CNGA3: variants seen among roughly 807,000 people sequenced by gnomAD.
CNGA3 encodes the protein cyclic nucleotide-gated channel alpha-3.
In CNGA3, 42 loss-of-function variants were observed where a neutral mutation model predicts 46.6. The ratio of observed to expected loss-of-function variants is 0.90; its 90% CI spans 0.70 to 1.17. The LOEUF (loss-of-function observed/expected upper bound fraction) is 1.17, where lower values mean the gene tolerates loss of function less well. Among genes scored for constraint, CNGA3 ranks in the 50% most tolerant of loss-of-function variants. CNGA3 has a pLI of 0.00. For missense variants in CNGA3, 893 were observed against 890.7 expected, an observed-to-expected ratio of 1.00 and a Z score of -0.03; for synonymous variants, 394 against 369.4, an observed-to-expected ratio of 1.07 and a Z score of -0.76.
chr2:98,364,379 A>AAAATAAAT (rs58612453), intron 1 of CNGA3, among the ~76,000 whole-genome samples: 249 of 151,440 alleles, frequency 1.6e-3, no homozygotes, highest in African/African-American at 4.9e-3. Flanking sequence ...CTCCATCTCA[A>AAAATAAAT]AAATAAATAA....
At chr2:98,358,196 C>G (rs1342570447) in intron 1 of CNGA3, among the ~76,000 whole-genome samples, 1 of 152,190 alleles carries the variant, frequency 6.6e-6, no homozygotes, top group Non-Finnish European at 1.5e-5. Context: ...GTTGGGTAAT[C>G]TCTTAAGATG....
In CNGA3 at chr2:98,369,966, A is replaced by G. The variant is rs770626146; in HGVS notation, c.-10A>G. 8.1e-6 allele frequency: 13 copies of G among 1,611,080 alleles called. No homozygotes were observed. Among genetic ancestry groups the G allele is most frequent in the African/African-American group, 4.0e-5 (3 of 74,716 alleles). Reference sequence around the variant, plus strand: ...ATCATCTGGGGGGCTAAATGTGACAAACCGAGAAGATGGCCAAGATCAACA... The same window carrying G: ...ATCATCTGGGGGGCTAAATGTGACAGACCGAGAAGATGGCCAAGATCAACA... On this transcript the variant is annotated 5_prime_UTR_variant, in exon 2 of 8. Transcript: ENST00000272602.
chr2:98,352,690 T>C (rs758487131), intron 1 of CNGA3, among the ~76,000 whole-genome samples: 10 of 152,170 alleles, frequency 6.6e-5, no homozygotes, highest in Admixed American at 6.5e-4. Flanking sequence ...CCAGTGTTGG[T>C]GGCCACTATT....
intron 2 of CNGA3, among the ~76,000 whole-genome samples, chr2:98,376,533 G>A (rs940843942): frequency 6.6e-6 from 1 of 152,120 alleles, no homozygotes; most frequent in Non-Finnish European, 1.5e-5. Flanking sequence ...GGCAGACCGG[G>A]GCATGGGAGT....
At position 98,396,597 on chromosome 2, in the gene CNGA3, C is replaced by T. The variant is rs376034278; in HGVS notation, c.1427C>T (p.Thr476Met). ...AEIAINVHLD[T>M]LKKVRIFQDC... ...ATCGCCATCAACGTGCACCTGGACA[C>T]GCTGAAGAAGGTTCGCATCTTCCAG... Residue 476 changes from threonine (T) to methionine (M), a missense_variant, in exon 8 of 8, where the codon ACG becomes ATG. Around this residue, in one of 3 missense-constraint regions of CNGA3, gnomAD observed 548 missense variants for 570.8 expected, o/e 0.96. Coordinates refer to ENST00000272602, the MANE Select transcript of CNGA3 (RefSeq NM_001298.3). 2.0e-5 allele frequency: 32 copies of T among 1,613,868 alleles called. No individual in the cohort carries two copies. Among genetic ancestry groups the T allele is most frequent in the Admixed American group, 8.3e-5 (5 of 59,986 alleles).
chr2:98,353,741 C>T (rs1431195535), intron 1 of CNGA3, among the ~76,000 whole-genome samples: 1 of 152,172 alleles, frequency 6.6e-6, no homozygotes, highest in Non-Finnish European at 1.5e-5. Flanking sequence ...GTTTACTCAG[C>T]TCATAGTTCT....
At chr2:98,365,452 G>T (rs1040681750) in intron 1 of CNGA3, among the ~76,000 whole-genome samples, 1 of 152,116 alleles carries the variant, frequency 6.6e-6, no homozygotes. Context: ...ATGTTGGCTT[G>T]TCTTGCTAGG....
At chr2:98,363,258 A>G (rs1026634971) in intron 1 of CNGA3, among the ~76,000 whole-genome samples, 1 of 152,192 alleles carries the variant, frequency 6.6e-6, no homozygotes, top group Non-Finnish European at 1.5e-5. Context: ...GGCCATTTTC[A>G]TGATAATGAT....
intron 2 of CNGA3, among the ~76,000 whole-genome samples, chr2:98,375,215 A>G (rs907727137): frequency 6.6e-6 from 1 of 152,240 alleles, no homozygotes; most frequent in Non-Finnish European, 1.5e-5. Flanking sequence ...TTTGCCGCGA[A>G]TGCAAATAAA....
At chr2:98,379,052 C>T (rs1386709743) in intron 3 of CNGA3, among the ~76,000 whole-genome samples, 6 of 152,214 alleles carry the variant, frequency 3.9e-5, no homozygotes, top group African/African-American at 1.4e-4. Flanking sequence ...TGTCCTAGTC[C>T]CATTGTCTGA....
chr2:98,379,371 C>T (rs993801827), intron 3 of CNGA3, among the ~76,000 whole-genome samples: 2 of 152,330 alleles, frequency 1.3e-5, no homozygotes, highest in African/African-American at 4.8e-5. Flanking sequence ...ATCAGGGAAA[C>T]CAGAAGCCAA....
intron 3 of CNGA3, among the ~76,000 whole-genome samples, chr2:98,379,747 C>A (rs1332488877): frequency 1.3e-5 from 2 of 152,204 alleles, no homozygotes; most frequent in Non-Finnish European, 1.5e-5. Context: ...AAATAAATAA[C>A]CTTGCTCTCA....
At chr2:98,379,685 G>A (rs1206737408) in intron 3 of CNGA3, among the ~76,000 whole-genome samples, 3 of 152,202 alleles carry the variant, frequency 2.0e-5, no homozygotes, top group Non-Finnish European at 2.9e-5. Context: ...GTGCCTGGAC[G>A]CCTGTTCCTT....
intron 1 of CNGA3, among the ~76,000 whole-genome samples, chr2:98,352,303 T>A (rs1432723159): frequency 2.0e-5 from 3 of 152,222 alleles, no homozygotes; most frequent in Non-Finnish European, 4.4e-5. Flanking sequence ...TAAATGATTG[T>A]CGTTTCCACT....
At chr2:98,386,137 T>C (rs1263031942) in intron 5 of CNGA3, among the ~76,000 whole-genome samples, 1 of 152,190 alleles carries the variant, frequency 6.6e-6, no homozygotes, top group Non-Finnish European at 1.5e-5. Context: ...ACATAGTAAG[T>C]GCTCAATAAA....
intron 7 of CNGA3, among the ~76,000 whole-genome samples, chr2:98,394,017 G>C (rs1002429293): frequency 6.7e-6 from 1 of 150,346 alleles, no homozygotes; most frequent in African/African-American, 2.5e-5. Context: ...GTCTAGCCTC[G>C]GTGGCCTGGA....
chr2:98,377,896 A>G, intron 3 of CNGA3, 96 bp downstream of exon 3: 1 of 1,323,614 alleles, frequency 7.6e-7, no homozygotes. Flanking sequence ...ATGGGGGTGG[A>G]GTTGAAGATT....
chr2:98,390,658 G>T (rs1254346816), intron 6 of CNGA3, among the ~76,000 whole-genome samples: 1 of 152,152 alleles, frequency 6.6e-6, no homozygotes. Flanking sequence ...TGTGGGGGCT[G>T]GCGGGGACTT....
At chr2:98,356,299 G>T (rs1691878453) in intron 1 of CNGA3, among the ~76,000 whole-genome samples, 2 of 152,160 alleles carry the variant, frequency 1.3e-5, no homozygotes, top group Non-Finnish European at 2.9e-5. Flanking sequence ...TGCTGAGAAG[G>T]TTGAGTTTTG....
Sources: allele counts gnomAD v4.1 joint callset (sites outside exome capture counted in the v4.1 genomes callset), GRCh38; gene constraint gnomAD v4.1.1; regional missense constraint gnomAD v4.1.1; transcripts MANE v1.5; gene names NCBI Gene and HGNC (gene_info 2026-07-23, HGNC 2026-07-21).